Variants in ADAM8 observed in about 807,000 individuals in gnomAD.
The protein encoded by ADAM8 is ADAM metallopeptidase domain 8, also known as disintegrin and metalloproteinase domain-containing protein 8.
A neutral mutation model predicts 102.4 loss-of-function variants in ADAM8; 104 were observed. The observed-to-expected ratio is 1.02, with a 90% CI of 0.87 to 1.20. The LOEUF is 1.20. Among genes scored for constraint, ADAM8 ranks in the 50% most tolerant of loss-of-function variants. The pLI is 0.00. For synonymous variants in ADAM8, 517 were observed against 485.2 expected, an observed-to-expected ratio of 1.07 and a Z score of -0.86; for missense variants, 1,132 against 1,159.0, an observed-to-expected ratio of 0.98 and a Z score of 0.34.
Position 133,271,614 on chromosome 10 carries a change from G to C in ADAM8, c.1198C>G (p.Pro400Ala). ...RPQSVCLANA[P>A]DLSHLVGGPV... ...CCGCCCACCAGGTGGCTGAGGTCAG[G>C]GGCGTTGGCGAGGCACACCGACTGC... The change falls in exon 12 of 23, where the codon CCT becomes GCT. Residue 400 changes from proline to alanine, a missense_variant. By Grantham distance (27) the Pro-to-Ala change is conservative. Coordinates refer to ENST00000445355, the MANE Select transcript of ADAM8 (RefSeq NM_001109.5). The C allele has an allele frequency of 6.4e-7, 1 of 1,556,320 alleles. No individual in the cohort carries two copies. Among genetic ancestry groups the C allele is most frequent in the Non-Finnish European group, 8.7e-7 (1 of 1,150,116 alleles).
rs745408689 is a variant in ADAM8, at chr10:133,263,176, C to T, written c.2455G>A (p.Gly819Arg). ...CCCCCCTAGGGTGCTGTGGGAGCTC[C>T]GGCTCCTTGCTTCCTCTGGATGGGG... ...KPPIQRKQGA[G>R]APTAP Residue 819 changes from glycine (G) to arginine (R), a missense_variant, in exon 23 of 23, where the codon GGA becomes AGA. Transcript: ENST00000445355. 14 of 1,613,712 alleles carry T rather than the reference C, an allele frequency of 8.7e-6. 1 individual carries two copies. In the South Asian group the frequency reaches 9.9e-5, roughly 11 times the overall value.
Position 133,263,164 on chromosome 10 carries a change from C to T in ADAM8, c.2467G>A (p.Ala823Thr). 1.2e-6 allele frequency: 2 copies of T among 1,613,974 alleles called. No individual in the cohort carries two copies. The highest frequency in any genetic ancestry group is 1.7e-6 in the Non-Finnish European group (2 of 1,179,884). ...QRKQGAGAPT[A>T]P ...CAGGCGCAGGTGCCCCCCTAGGGTG[C>T]TGTGGGAGCTCCGGCTCCTTGCTTC... is the stretch of plus-strand genomic sequence containing the variant. Residue 823 changes from alanine (A) to threonine (T), a missense_variant, in exon 23 of 23, where the codon GCA becomes ACA. Ala to Thr is a moderately conservative substitution (Grantham distance 58). Transcript: ENST00000445355.
chr10:133,264,780 T>C (rs1453693978), intron 21 of ADAM8, among the ~76,000 whole-genome samples: 2 of 146,682 alleles, frequency 1.4e-5, no homozygotes, highest in African/African-American at 5.2e-5. Context: ...CGCATCTACC[T>C]CCATGCCTGG....
rs1237124330 is a variant in ADAM8, at chr10:133,272,830, G to T, written c.673C>A (p.Arg225=). The part of the protein sequence containing the change: ...MLGSEAAVRH[R]VLEVVNHVDK... ...ACGTGATTCACCACCTCCAGCACCC[G>T]ATGACGCACGGCTGCTTCGCTCCCC... Residue 225 remains arginine, a synonymous_variant, in exon 8 of 23, where the codon CGG becomes AGG. Transcript: ENST00000445355. The T allele has an allele frequency of 1.2e-6, 2 of 1,611,006 alleles. No homozygotes were observed. The highest frequency in any genetic ancestry group is 4.5e-5 in the East Asian group (2 of 44,814).
chr10:133,275,672 C>G, intron 1 of ADAM8, 85 bp from the exon 2 acceptor site: 1 of 703,098 alleles, frequency 1.4e-6, no homozygotes. Flanking sequence ...GATTCTGTCT[C>G]TTGCTGGGCT....
At position 133,272,806 on chromosome 10, in the gene ADAM8, C is replaced by T. The variant is rs748395348; in HGVS notation, c.697G>A (p.Val233Met). 1.9e-5 allele frequency: 30 copies of T among 1,609,944 alleles called. No homozygotes were observed. The highest frequency in any genetic ancestry group is 8.9e-5 in the East Asian group (4 of 44,822). ...CCAGGACCGCTGCCCACCTTGTCCACGTGATTCACCACCTCCAGCACCCGA... is the reference window on the plus strand; with the variant it reads ...CCAGGACCGCTGCCCACCTTGTCCATGTGATTCACCACCTCCAGCACCCGA... ...RHRVLEVVNH[V>M]DKLYQKLNFR... The change falls in exon 8 of 23, where the codon GTG becomes ATG. Residue 233 changes from valine to methionine, a missense_variant. Transcript: ENST00000445355.
Position 133,267,970 on chromosome 10 carries a change from G to A in ADAM8, c.2212C>T (p.His738Tyr). 1.6e-6 allele frequency: 2 copies of A among 1,262,238 alleles called. No individual in the cohort carries two copies. The highest frequency in any genetic ancestry group is 2.0e-6 in the Non-Finnish European group (2 of 997,058). The allele number at this position is 1,262,238 out of a possible 1,614,324, so 78.2% of individuals were successfully genotyped here. ...TTCAGAGCCACCGAGGAGGCCGGGT[G>A]TCGGGCGGGCTGGCCCGGGTGGGTG... ...PTTHPGQPAR[H>Y]PASSVALKRP... Residue 738 changes from histidine (H) to tyrosine (Y), a missense_variant, in exon 20 of 23, where the codon CAC (histidine) becomes TAC (tyrosine). Coordinates refer to ENST00000445355, the MANE Select transcript of ADAM8 (RefSeq NM_001109.5).
rs1010582998 is a variant in ADAM8, at chr10:133,270,258, T to C, written c.1785+102A>G. 134 of 1,438,004 alleles carry C rather than the reference T, an allele frequency of 9.3e-5. 1 individual carries two copies. In the Admixed American group the frequency reaches 1.4e-3, roughly 15 times the overall value. 89.1% of individuals were successfully genotyped at this position (1,438,004 alleles called of 1,614,324 possible). The stretch of plus-strand genomic sequence containing the variant: ...AAGCGCGGAGAGAACTCTGTTCCCA[T>C]GGCCTCGAGCAGCTGCCAAGCTCAG... On this transcript the variant is annotated intron_variant, in intron 16 of 22. Coordinates refer to ENST00000445355, the MANE Select transcript of ADAM8 (RefSeq NM_001109.5).
At chr10:133,267,255 G>T in intron 21 of ADAM8, 97 bp downstream of exon 21, 1 of 1,354,528 alleles carries the variant, frequency 7.4e-7, no homozygotes, top group East Asian at 2.4e-5. Context: ...GGGCCACCTG[G>T]GGATCCCTGG....
At position 133,272,467 on chromosome 10, in the gene ADAM8, TG is replaced by T. The variant is rs1846569219; in HGVS notation, c.823del (p.Gln275ArgfsTer43). The T allele has an allele frequency of 1.9e-6, 3 of 1,611,282 alleles. No homozygotes were observed. Among genetic ancestry groups the T allele is most frequent in the Non-Finnish European group, 2.5e-6 (3 of 1,179,668 alleles). On this transcript the variant is annotated frameshift_variant, in exon 9 of 23. Transcript: ENST00000445355. LOFTEE classifies it high-confidence loss of function. ...SVTLENLLTWQARQRTRRHLH... is the reference protein window; with the variant it reads ...SVTLENLLTWXARQRTRRHLH... ...GTGCCGCCGTGTCCGTTGCCGTGCC[TG>T]CCAGGTCAGGAGGTTCTCCAGTGTG...
chr10:133,272,994 C>G lies in ADAM8; in HGVS notation c.599G>C (p.Arg200Pro), dbSNP rs756309460. 1.2e-6 allele frequency: 2 copies of G among 1,612,864 alleles called. No homozygotes were observed. Among genetic ancestry groups the G allele is most frequent in the South Asian group, 2.2e-5 (2 of 91,080 alleles). The change falls in exon 7 of 23, where the codon CGC becomes CCC. Residue 200 changes from arginine (R) to proline (P), a missense_variant. Coordinates refer to ENST00000445355, the MANE Select transcript of ADAM8 (RefSeq NM_001109.5). ...PGDSLPSRET[R>P]YVELYVVVDN... ...CACGACCACATACAGCTCCACGTAG[C>G]GGGTCTCTCGGGATGGCAGAGAGTC...
chr10:133,269,231 T>G, intron 18 of ADAM8: 3 of 960,360 alleles, frequency 3.1e-6, no homozygotes, highest in Non-Finnish European at 3.7e-6. Flanking sequence ...TGCCCTGCCC[T>G]CGGCCACTGC....
At position 133,272,455 on chromosome 10, in the gene ADAM8, C is replaced by G. The variant is rs748813689; in HGVS notation, c.836G>C (p.Arg279Pro). The change falls in exon 9 of 23, where the codon CGG becomes CCG. Residue 279 changes from arginine (R) to proline (P), a missense_variant. Transcript: ENST00000445355. ...ENLLTWQARQRTRRHLHDNVQ... is the reference protein window; with the variant it reads ...ENLLTWQARQPTRRHLHDNVQ... Reference sequence around the variant, plus strand: ...GTTGTCATGCAGGTGCCGCCGTGTCCGTTGCCGTGCCTGCCAGGTCAGGAG... The same window carrying G: ...GTTGTCATGCAGGTGCCGCCGTGTCGGTTGCCGTGCCTGCCAGGTCAGGAG... The G allele has an allele frequency of 1.9e-6, 3 of 1,611,098 alleles. No homozygotes were observed. The East Asian group carries it at 6.7e-5, about 36-fold the overall frequency.
chr10:133,267,312 C>A (rs1207126300), intron 21 of ADAM8, 40 bp downstream of exon 21: 36 of 1,577,788 alleles, frequency 2.3e-5, no homozygotes, highest in Non-Finnish European at 2.9e-5. Flanking sequence ...AAGGCCTGGA[C>A]ACCCTCAGAA....
Position 133,273,416 on chromosome 10 carries a change from C to T in ADAM8, c.411G>A (p.Leu137=). 1.3e-6 allele frequency: 2 copies of T among 1,544,074 alleles called. No individual in the cohort carries two copies. Among genetic ancestry groups the T allele is most frequent in the Non-Finnish European group, 1.8e-6 (2 of 1,142,728 alleles). The change falls in exon 6 of 23, where the codon CTG becomes CTA. Residue 137 remains leucine, a synonymous_variant. Coordinates refer to ENST00000445355, the MANE Select transcript of ADAM8 (RefSeq NM_001109.5). ...LRGFFQVGSD[L]HLIEPLDEGG... is the part of the protein sequence containing the mutation. ...CTTCATCCAGGGGCTCGATCAGGTGCAGGTCTGACCCCACCTGGAAGAAAC... is the reference window on the plus strand; with the variant it reads ...CTTCATCCAGGGGCTCGATCAGGTGTAGGTCTGACCCCACCTGGAAGAAAC...
At chr10:133,263,788 G>T in intron 21 of ADAM8, 23 bp from the exon 22 acceptor site, 1 of 1,515,372 alleles carries the variant, frequency 6.6e-7, no homozygotes, top group Non-Finnish European at 8.9e-7. Flanking sequence ...AGACACAGCT[G>T]ACATGGGTCC....
intron 12 of ADAM8, 57 bp downstream of exon 12, chr10:133,271,471 G>A: frequency 1.3e-6 from 2 of 1,506,072 alleles, no homozygotes; most frequent in Non-Finnish European, 1.8e-6. Flanking sequence ...CTGGCCTGAA[G>A]GGACAGAGGT....
intron 2 of ADAM8, chr10:133,274,802 G>T (rs1235537788): frequency 2.4e-6 from 1 of 410,624 alleles, no homozygotes; most frequent in African/African-American, 2.1e-5. Flanking sequence ...GGACCTGGTG[G>T]TGCCTGCAGA....
chr10:133,274,542 T>C (rs1846676518), intron 2 of ADAM8, among the ~76,000 whole-genome samples: 1 of 150,038 alleles, frequency 6.7e-6, no homozygotes, highest in South Asian at 2.1e-4. Flanking sequence ...GGGGCTGTGC[T>C]GAAGGCGACC....
Sources: gnomAD v4.1 joint callset for allele counts (sites outside exome capture counted in the v4.1 genomes callset) on GRCh38, gnomAD v4.1.1 for gene constraint, MANE v1.5 for transcripts, NCBI Gene and HGNC (gene_info 2026-07-23, HGNC 2026-07-21) for gene names.